NUP214: variants seen among roughly 807,000 people sequenced by gnomAD.
NUP214 encodes the protein nuclear pore complex protein Nup214.
A neutral mutation model predicts 196.2 loss-of-function variants in NUP214; 79 were observed. The observed-to-expected ratio is 0.40, with a 90% CI of 0.34 to 0.49. The LOEUF is 0.49. Among genes scored for constraint, NUP214 ranks in the 20% least tolerant of loss-of-function variants. The probability of loss-of-function intolerance (pLI) is 0.58; values close to 1 mark genes in which losing one functional copy is unlikely to be tolerated. For synonymous variants in NUP214, 1,020 were observed against 990.5 expected (o/e 1.03, Z -0.56); for missense variants, 2,468 against 2,539.0 (o/e 0.97, Z 0.60).
intron 18 of NUP214, 50 bp from the exon 19 acceptor site, chr9:131,162,941 C>G (rs774401270): frequency 6.3e-7 from 1 of 1,575,676 alleles, no homozygotes; most frequent in Non-Finnish European, 8.7e-7. Context: ...CTGGGAGATT[C>G]CTTTACTTGA....
At position 131,198,302 on chromosome 9, in the gene NUP214, G is replaced by T. The variant is rs747762818; in HGVS notation, c.4808G>T (p.Ser1603Ile). Residue 1603 changes from serine to isoleucine, a missense_variant, in exon 29 of 36, where the codon AGT (serine) becomes ATT (isoleucine). Around this residue, in one of 5 missense-constraint regions of NUP214, gnomAD observed 1,801 missense variants for 1,779.4 expected, o/e 1.01. Coordinates refer to ENST00000359428, the MANE Select transcript of NUP214 (RefSeq NM_005085.4). ...GCTGTCACAGCAGCTGCTATCTCAAGTGCAGGCCCTGTGGCCGTCGAAACA... is the reference window on the plus strand; with the variant it reads ...GCTGTCACAGCAGCTGCTATCTCAATTGCAGGCCCTGTGGCCGTCGAAACA... ...QTAVTAAAIS[S>I]AGPVAVETSS... The T allele has an allele frequency of 1.2e-6, 2 of 1,614,216 alleles. No homozygotes were observed. The highest frequency in any genetic ancestry group is 3.3e-5 in the Admixed American group (2 of 60,030).
chr9:131,177,854 A>G (rs1419138905), intron 23 of NUP214, among the ~76,000 whole-genome samples: 2 of 152,138 alleles, frequency 1.3e-5, no homozygotes, highest in African/African-American at 4.8e-5. Context: ...GAGTTTCTTT[A>G]GAGAAGAAAC....
At chr9:131,166,102 A>T (rs1028047194) in intron 21 of NUP214, among the ~76,000 whole-genome samples, 1 of 152,224 alleles carries the variant, frequency 6.6e-6, no homozygotes, top group Non-Finnish European at 1.5e-5. Context: ...AACACTTAAG[A>T]TGGTAAATTT....
intron 30 of NUP214, among the ~76,000 whole-genome samples, chr9:131,205,403 A>G (rs893489024): frequency 2.6e-5 from 4 of 152,240 alleles, no homozygotes; most frequent in Non-Finnish European, 5.9e-5. Context: ...GTGTAAATTC[A>G]TATTAACCAC....
At chr9:131,143,337 CCATTTGGATTG>C (rs1161445614) in intron 11 of NUP214, among the ~76,000 whole-genome samples, 1 of 151,912 alleles carries the variant, frequency 6.6e-6, no homozygotes, top group East Asian at 1.9e-4. Context: ...TTCTTTTTAA[CCATTTGGATTG>C]CATTAAATAT....
At chr9:131,175,855 A>G in intron 23 of NUP214, 1 of 516,582 alleles carries the variant, frequency 1.9e-6, no homozygotes. Context: ...GTTAAGGTGG[A>G]AATCAGTGGG....
chr9:131,158,810 T>C (rs1467191589), intron 17 of NUP214, among the ~76,000 whole-genome samples: 1 of 152,128 alleles, frequency 6.6e-6, no homozygotes, highest in Non-Finnish European at 1.5e-5. Flanking sequence ...CCCTTTTCAT[T>C]GTACCACCTC....
Position 131,128,412 on chromosome 9 carries a change from T to C in NUP214, c.322T>C (p.Ser108Pro). 6.2e-7 allele frequency: 1 copy of C among 1,613,932 alleles called. No homozygotes were observed. Among genetic ancestry groups the C allele is most frequent in the East Asian group, 2.2e-5 (1 of 44,882 alleles). Residue 108 changes from serine to proline, a missense_variant, in exon 3 of 36, where the codon TCT becomes CCT. Transcript: ENST00000359428. ...CTTGAGCTGTGATAACCTCACACTC[T>C]CTGCGTGCATGATGTCCAGTGAATA... ...LALSCDNLTL[S>P]ACMMSSEYGS...
intron 31 of NUP214, among the ~76,000 whole-genome samples, chr9:131,220,092 G>A (rs1834517389): frequency 6.6e-6 from 1 of 152,214 alleles, no homozygotes; most frequent in South Asian, 2.1e-4. Flanking sequence ...GAAGCCCAGA[G>A]CAGATGCCAG....
At chr9:131,127,091 A>G (rs1490646895) in intron 1 of NUP214, 1 of 154,228 alleles carries the variant, frequency 6.5e-6, no homozygotes. Flanking sequence ...TCCATATCAG[A>G]AAAAAATGAG....
At chr9:131,188,008 G>C (rs1833500929) in intron 25 of NUP214, among the ~76,000 whole-genome samples, 1 of 152,236 alleles carries the variant, frequency 6.6e-6, no homozygotes, top group African/African-American at 2.4e-5. Context: ...GCCGTGTACA[G>C]TGGGAGGATA....
chr9:131,216,361 ATT>A (rs1834396542), intron 31 of NUP214, among the ~76,000 whole-genome samples: 1 of 148,938 alleles, frequency 6.7e-6, no homozygotes, highest in Non-Finnish European at 1.5e-5. Flanking sequence ...AATAGCTGGG[ATT>A]ACAGGTGCCC....
chr9:131,227,040 C>T lies in NUP214; in HGVS notation c.5903-1120C>T, dbSNP rs189903233. On this transcript the variant is annotated intron_variant, in intron 32 of 35. Coordinates refer to ENST00000359428, the MANE Select transcript of NUP214 (RefSeq NM_005085.4). ...CAACACTCACCTTAAGAAGTACTCC[C>T]TTTAGAGGGTGCTCCCAGTTAGAGC... Among the ~76,000 whole-genome samples the T allele has an allele frequency of 1.6e-4, 24 of 152,368 alleles. No individual in the cohort carries two copies. The East Asian group carries it at 4.4e-3, about 28-fold the overall frequency.
chr9:131,231,309 C>G (rs1012334425), intron 34 of NUP214, among the ~76,000 whole-genome samples: 1 of 152,154 alleles, frequency 6.6e-6, no homozygotes, highest in Non-Finnish European at 1.5e-5. Context: ...TCTCCTGCCT[C>G]AGCCTTTGAG....
intron 6 of NUP214, 74 bp from the exon 7 acceptor site, chr9:131,133,032 C>T: frequency 8.8e-7 from 1 of 1,139,958 alleles, no homozygotes; most frequent in Non-Finnish European, 1.3e-6. Context: ...GTGGCTATTC[C>T]AAACATAAGC....
chr9:131,127,583 C>T lies in NUP214; in HGVS notation c.105C>T (p.Pro35=), dbSNP rs759556060. 3.1e-6 allele frequency: 5 copies of T among 1,613,994 alleles called. No individual in the cohort carries two copies. The South Asian group carries it at 5.5e-5, about 18-fold the overall frequency. ...TCTTTGACTCCCCTGAGGAATTGCC[C>T]AAGGAACGCTCGAGTCTGCTTGCTG... ...VRIFDSPEEL[P]KERSSLLAVS... is the part of the protein sequence containing the mutation. The change falls in exon 2 of 36, where the codon CCC becomes CCT. Residue 35 remains proline (P), a synonymous_variant. Coordinates refer to ENST00000359428, the MANE Select transcript of NUP214 (RefSeq NM_005085.4).
chr9:131,158,700 A>C (rs944063590), intron 17 of NUP214, among the ~76,000 whole-genome samples: 2 of 152,228 alleles, frequency 1.3e-5, no homozygotes. Context: ...TCTGAGTACC[A>C]GAATGGAATG....
chr9:131,152,989 T>A (rs913909646), intron 17 of NUP214, among the ~76,000 whole-genome samples: 14 of 152,248 alleles, frequency 9.2e-5, no homozygotes, highest in Admixed American at 7.8e-4. Context: ...TTATCCAGGC[T>A]GGTCTCGAAC....
chr9:131,208,516 T>C, intron 30 of NUP214, among the ~76,000 whole-genome samples: 1 of 150,976 alleles, frequency 6.6e-6, no homozygotes, highest in South Asian at 2.1e-4. Flanking sequence ...GCTAACACAG[T>C]GAAACCCTGT....
Sources: allele counts gnomAD v4.1 joint callset (sites outside exome capture counted in the v4.1 genomes callset), GRCh38; gene constraint gnomAD v4.1.1; regional missense constraint gnomAD v4.1.1; transcripts MANE v1.5; gene names NCBI Gene and HGNC (gene_info 2026-07-23, HGNC 2026-07-21).